Variants in SPAG17 observed in about 807,000 individuals in gnomAD.
SPAG17 encodes sperm associated antigen 17, also known as sperm-associated antigen 17.
Under a neutral mutation model 273.6 loss-of-function variants are expected in SPAG17, and 169 were observed. The ratio of observed to expected loss-of-function variants is 0.62; its 90% confidence interval spans 0.55 to 0.70. The LOEUF (loss-of-function observed/expected upper bound fraction) is 0.70. SPAG17 is among the 30% of genes least tolerant of loss of function. SPAG17 has a pLI of 0.00. For synonymous variants in SPAG17, 825 were observed against 873.2 expected (o/e 0.94, Z 0.97); for missense variants, 2,557 against 2,627.8 (o/e 0.97, Z 0.59).
chr1:118,165,770 C>G (rs893643983), intron 1 of SPAG17, among the ~76,000 whole-genome samples: 2 of 151,686 alleles, frequency 1.3e-5, no homozygotes, highest in Non-Finnish European at 1.5e-5. Flanking sequence ...TTCAGCCTCC[C>G]AAGTAGCTGG....
chr1:118,065,943 G>T (rs1652918012), intron 18 of SPAG17, among the ~76,000 whole-genome samples: 1 of 151,994 alleles, frequency 6.6e-6, no homozygotes, highest in South Asian at 2.1e-4. Context: ...AAGGCAAAGG[G>T]ATAAAATGCG....
chr1:118,184,208 GA>G (rs151035471), intron 1 of SPAG17, among the ~76,000 whole-genome samples: 61 of 151,724 alleles, frequency 4.0e-4, no homozygotes, highest in Non-Finnish European at 6.6e-4. Flanking sequence ...TATATAAAAT[GA>G]AAAAAAAATT....
At chr1:118,008,015 G>C in intron 31 of SPAG17, 29 bp downstream of exon 31, 1 of 1,613,158 alleles carries the variant, frequency 6.2e-7, no homozygotes, top group Non-Finnish European at 8.5e-7. Context: ...ACTCATCTTT[G>C]GCGCTTCTCA....
chr1:118,126,305 A>T (rs1310952635), intron 3 of SPAG17, among the ~76,000 whole-genome samples: 2 of 144,410 alleles, frequency 1.4e-5, no homozygotes, highest in African/African-American at 5.2e-5. Context: ...TCCTGGGTTC[A>T]TGCCATTCTC....
chr1:118,122,780 T>C (rs1337517032), intron 3 of SPAG17, among the ~76,000 whole-genome samples: 1 of 152,212 alleles, frequency 6.6e-6, no homozygotes, highest in Non-Finnish European at 1.5e-5. Context: ...GACATATGCA[T>C]GATAAATGTT....
intron 48 of SPAG17, chr1:117,956,943 C>T (rs1652288029): frequency 1.1e-5 from 8 of 759,792 alleles, no homozygotes; most frequent in Non-Finnish European, 1.4e-5. Flanking sequence ...GAATATTTAA[C>T]TCTAGGCAAG....
intron 30 of SPAG17, among the ~76,000 whole-genome samples, chr1:118,008,593 C>G (rs1331505325): frequency 6.6e-6 from 1 of 152,028 alleles, no homozygotes; most frequent in African/African-American, 2.4e-5. Context: ...ATTGAAGTTT[C>G]TCCTTATATC....
intron 20 of SPAG17, among the ~76,000 whole-genome samples, chr1:118,048,997 T>C (rs1400124210): frequency 6.6e-6 from 1 of 152,174 alleles, no homozygotes; most frequent in Admixed American, 6.5e-5. Flanking sequence ...GATAAATTCC[T>C]AGAAGCATAC....
intron 46 of SPAG17, among the ~76,000 whole-genome samples, chr1:117,967,254 C>T (rs951148422): frequency 4.1e-5 from 6 of 148,132 alleles, no homozygotes; most frequent in East Asian, 2.0e-4. Context: ...GCCGAGATCG[C>T]GCCACTGCAC....
intron 46 of SPAG17, among the ~76,000 whole-genome samples, chr1:117,967,599 G>A (rs1450951298): frequency 6.6e-6 from 1 of 152,196 alleles, no homozygotes; most frequent in Non-Finnish European, 1.5e-5. Context: ...CCTAATGCAG[G>A]ATGCATAAAA....
At chr1:118,052,667 A>G (rs538074619) in intron 20 of SPAG17, among the ~76,000 whole-genome samples, 62 of 152,196 alleles carry the variant, frequency 4.1e-4, no homozygotes, top group African/African-American at 1.5e-3. Context: ...AGAAATAGAT[A>G]CCATTTTTTC....
chr1:118,111,532 G>A (rs1210109140), intron 4 of SPAG17, among the ~76,000 whole-genome samples: 2 of 136,482 alleles, frequency 1.5e-5, no homozygotes, highest in African/African-American at 2.9e-5. Context: ...TGGTATGTCC[G>A]TATGGCTTTT....
At chr1:118,060,058 A>C (rs1652114071) in intron 18 of SPAG17, among the ~76,000 whole-genome samples, 1 of 151,962 alleles carries the variant, frequency 6.6e-6, no homozygotes, top group Non-Finnish European at 1.5e-5. Context: ...ATTCCACTTG[A>C]TTATGTTGAA....
chr1:118,075,528 AAATGGAT>A (rs1654004989), intron 15 of SPAG17, among the ~76,000 whole-genome samples: 1 of 152,236 alleles, frequency 6.6e-6, no homozygotes, highest in South Asian at 2.1e-4. Context: ...TCTAATTGAG[AAATGGAT>A]AATGTATATA....
At chr1:118,041,346 T>C (rs1354473925) in intron 21 of SPAG17, among the ~76,000 whole-genome samples, 3 of 152,130 alleles carry the variant, frequency 2.0e-5, no homozygotes, top group African/African-American at 4.8e-5. Flanking sequence ...CATTTTTTTT[T>C]CCCATCAGGT....
chr1:118,091,805 A>G (rs958643536), intron 9 of SPAG17, 87 bp from the exon 10 acceptor site: 1 of 1,318,030 alleles, frequency 7.6e-7, no homozygotes, highest in African/African-American at 1.5e-5. Flanking sequence ...TCAAACTATG[A>G]CTATGCACTA....
chr1:118,153,000 C>A (rs1019037008), intron 1 of SPAG17, among the ~76,000 whole-genome samples: 1 of 152,172 alleles, frequency 6.6e-6, no homozygotes, highest in Non-Finnish European at 1.5e-5. Flanking sequence ...TAATAACCAC[C>A]TTTACCCCCT....
At chr1:118,183,748 G>C (rs966511139) in intron 1 of SPAG17, among the ~76,000 whole-genome samples, 2 of 152,106 alleles carry the variant, frequency 1.3e-5, no homozygotes, top group African/African-American at 4.8e-5. Flanking sequence ...ATCAAACTCC[G>C]TTGTTCAGCA....
chr1:118,064,325 T>A (rs905132286), intron 18 of SPAG17, among the ~76,000 whole-genome samples: 4 of 151,588 alleles, frequency 2.6e-5, no homozygotes, highest in African/African-American at 9.7e-5. Flanking sequence ...AGCAAAGACT[T>A]GGAACCAACC....
Sources: allele counts gnomAD v4.1 joint callset (sites outside exome capture counted in the v4.1 genomes callset), GRCh38; gene constraint gnomAD v4.1.1; transcripts MANE v1.5; gene names NCBI Gene and HGNC (gene_info 2026-07-23, HGNC 2026-07-21).